STARD13: variants seen among roughly 807,000 people sequenced by gnomAD.
The protein encoded by STARD13 is StAR related lipid transfer domain containing 13.
A neutral mutation model predicts 106.4 loss-of-function variants in STARD13; 62 were observed. The ratio of observed to expected loss-of-function variants is 0.58; its 90% CI spans 0.48 to 0.72. The LOEUF is 0.72. Ranked by LOEUF, STARD13 falls within the 30% of genes least tolerant of loss-of-function variation. The pLI is 0.00. For synonymous variants in STARD13, 565 were observed against 553.0 expected, an observed-to-expected ratio of 1.02 and a Z score of -0.31; for missense variants, 1,387 against 1,424.0, an observed-to-expected ratio of 0.97 and a Z score of 0.42.
chr13:33,193,258 C>T (rs1034932763), intron 1 of STARD13, among the ~76,000 whole-genome samples: 13 of 152,160 alleles, frequency 8.5e-5, no homozygotes, highest in Admixed American at 6.5e-5. Flanking sequence ...ATCATCTATA[C>T]AGCAGGGCTT....
the STARD13 span, among the ~76,000 whole-genome samples, chr13:33,627,857 C>T: frequency 6.6e-6 from 1 of 152,114 alleles, no homozygotes; most frequent in Non-Finnish European, 1.5e-5. Flanking sequence ...TGACGTACAG[C>T]AACCACAATA....
At chr13:33,494,252 T>TGGA in the STARD13 span, among the ~76,000 whole-genome samples, 1 of 152,146 alleles carries the variant, frequency 6.6e-6, no homozygotes, top group Non-Finnish European at 1.5e-5. Context: ...CCCTTTCTGA[T>TGGA]GTTATTTCAA....
the STARD13 span, among the ~76,000 whole-genome samples, chr13:33,475,909 A>G: frequency 1.3e-5 from 2 of 152,192 alleles, no homozygotes; most frequent in South Asian, 2.1e-4. Context: ...GCGAGCCGAG[A>G]TGGCGCCACT....
the STARD13 span, among the ~76,000 whole-genome samples, chr13:33,638,062 G>A: frequency 1.3e-5 from 2 of 152,152 alleles, no homozygotes; most frequent in African/African-American, 4.8e-5. Context: ...GATGAAAAGA[G>A]TCAAACTCTG....
At position 33,126,036 on chromosome 13, in the gene STARD13, A is replaced by G. The variant is rs1258032397; in HGVS notation, c.2082+45T>C. Reference sequence around the variant, plus strand: ...TCTGACATCCCCTCAATCCAATCCCATGGTTGGGGGTGGTGGGGCAGCAGC... The same window carrying G: ...TCTGACATCCCCTCAATCCAATCCCGTGGTTGGGGGTGGTGGGGCAGCAGC... On this transcript the variant is annotated intron_variant, in intron 7 of 13. Coordinates refer to ENST00000336934, the MANE Select transcript of STARD13 (RefSeq NM_178006.4). 4 of 1,596,426 alleles carry G rather than the reference A, an allele frequency of 2.5e-6. No individual in the cohort carries two copies. The East Asian group carries it at 9.0e-5, about 36-fold the overall frequency.
chr13:33,387,813 G>A, the STARD13 span, among the ~76,000 whole-genome samples: 1 of 152,268 alleles, frequency 6.6e-6, no homozygotes, highest in South Asian at 2.1e-4. Flanking sequence ...TCAAAGGATG[G>A]GACTGGGGTC....
chr13:33,543,091 C>G, the STARD13 span, among the ~76,000 whole-genome samples: 5 of 152,158 alleles, frequency 3.3e-5, no homozygotes, highest in African/African-American at 1.2e-4. Flanking sequence ...AAACGGCGTC[C>G]TTTTATTTTT....
At chr13:33,394,079 C>T in the STARD13 span, among the ~76,000 whole-genome samples, 1 of 152,110 alleles carries the variant, frequency 6.6e-6, no homozygotes, top group African/African-American at 2.4e-5. Flanking sequence ...TAAAGAAAGG[C>T]TGTAGAACCT....
At chr13:33,316,435 A>G (rs778953126) in intron 1 of STARD13, among the ~76,000 whole-genome samples, 2 of 152,210 alleles carry the variant, frequency 1.3e-5, no homozygotes, top group African/African-American at 2.4e-5. Flanking sequence ...GTAATATAAG[A>G]TTTCCACTTT....
chr13:33,154,910 C>A (rs117381906), intron 3 of STARD13, among the ~76,000 whole-genome samples: 3 of 152,164 alleles, frequency 2.0e-5, no homozygotes, highest in African/African-American at 4.8e-5. Flanking sequence ...CTCACTCACA[C>A]TGAGGCTTCT....
intron 1 of STARD13, among the ~76,000 whole-genome samples, chr13:33,236,401 C>A (rs747518748): frequency 6.6e-6 from 1 of 152,194 alleles, no homozygotes; most frequent in East Asian, 1.9e-4. Flanking sequence ...TCGGTGGAAA[C>A]GCATGGCTGC....
the STARD13 span, among the ~76,000 whole-genome samples, chr13:33,589,008 G>A: frequency 1.3e-5 from 2 of 152,218 alleles, no homozygotes; most frequent in Admixed American, 6.5e-5. Context: ...CATCCTCTTT[G>A]CTTACTATTC....
intron 1 of STARD13, among the ~76,000 whole-genome samples, chr13:33,290,970 CTG>C (rs1158807835): frequency 6.6e-6 from 1 of 151,818 alleles, no homozygotes; most frequent in East Asian, 1.9e-4. Context: ...CTGTAAACCA[CTG>C]TTATGTGGCA....
chr13:33,613,511 C>T, the STARD13 span, among the ~76,000 whole-genome samples: 4 of 152,162 alleles, frequency 2.6e-5, no homozygotes, highest in Admixed American at 2.6e-4. Flanking sequence ...AGGGTTGCAA[C>T]TGGTGAGTCC....
the STARD13 span, among the ~76,000 whole-genome samples, chr13:33,375,645 C>T: frequency 9.2e-5 from 14 of 152,106 alleles, no homozygotes; most frequent in East Asian, 2.7e-3. Flanking sequence ...AGGAAAAGCC[C>T]CTTATAAAAC....
the STARD13 span, among the ~76,000 whole-genome samples, chr13:33,378,060 T>C: frequency 0.011 from 1,717 of 152,254 alleles, 40 homozygotes; most frequent in African/African-American, 0.038. Flanking sequence ...AGTGAAGCAA[T>C]TGAGCCAAGT....
rs11620110 is a variant in STARD13, at chr13:33,254,540, C to T, written c.169+30930G>A. Among the ~76,000 whole-genome samples the T allele has an allele frequency of 2.6e-5, 4 of 152,188 alleles. No individual in the cohort carries two copies. In the East Asian group the frequency reaches 7.7e-4, roughly 29 times the overall value. On this transcript the variant is annotated intron_variant, in intron 1 of 13. Transcript: ENST00000336934. ...CCCGACAAAGGCCCTACCATCAAGC[C>T]TGAAGACCCACAGCCCTAAGTGGGA...
the STARD13 span, among the ~76,000 whole-genome samples, chr13:33,581,263 A>T: frequency 1.2e-4 from 19 of 152,264 alleles, no homozygotes; most frequent in African/African-American, 3.6e-4. Flanking sequence ...ATCACCCAAG[A>T]CTTTTCCCAC....
intron 1 of STARD13, among the ~76,000 whole-genome samples, chr13:33,305,139 G>A (rs1345615024): frequency 6.6e-6 from 1 of 152,166 alleles, no homozygotes; most frequent in Non-Finnish European, 1.5e-5. Flanking sequence ...TGATCTTCTT[G>A]CCCCAGCCTC....
Sources: gnomAD v4.1 joint callset for allele counts (sites outside exome capture counted in the v4.1 genomes callset) on GRCh38, gnomAD v4.1.1 for gene constraint, MANE v1.5 for transcripts, NCBI Gene and HGNC (gene_info 2026-07-23, HGNC 2026-07-21) for gene names.